Variants in LMO7 observed in about 807,000 individuals in gnomAD.
LMO7 encodes LIM domain 7.
LMO7 carries 120 observed loss-of-function variants against 206.5 expected under a neutral mutation model. The ratio of observed to expected loss-of-function variants is 0.58; its 90% CI spans 0.50 to 0.68. The LOEUF is 0.68. Ranked by LOEUF, LMO7 falls within the 30% of genes least tolerant of loss-of-function variation. The pLI is 0.00. For synonymous variants in LMO7, 706 were observed against 681.5 expected, an observed-to-expected ratio of 1.04 and a Z score of -0.56; for missense variants, 1,959 against 1,957.9, an observed-to-expected ratio of 1.00 and a Z score of -0.01.
chr13:75,802,454 T>C (rs2054876348), intron 7 of LMO7, among the ~76,000 whole-genome samples: 1 of 152,206 alleles, frequency 6.6e-6, no homozygotes. Flanking sequence ...CTGAAGAACC[T>C]ACTCCATGTA....
Position 75,807,926 on chromosome 13 carries a change from C to T in LMO7, c.1643C>T (p.Thr548Ile). The change falls in exon 10 of 31, where the codon ACT becomes ATT. Residue 548 changes from threonine (T) to isoleucine (I), a missense_variant. By Grantham distance (89) the Thr-to-Ile change is moderately conservative. Coordinates refer to ENST00000377534, the MANE Select transcript of LMO7 (RefSeq NM_001306080.2). Reference sequence around the variant, plus strand: ...CCAGTCCCTTTTCCCGAACCCTGGACTCTTCCTCCAGAAATTCAAGCAAAA... The same window carrying T: ...CCAGTCCCTTTTCCCGAACCCTGGATTCTTCCTCCAGAAATTCAAGCAAAA... ...YHPVPFPEPW[T>I]LPPEIQAKFL... is the part of the protein sequence containing the mutation. The T allele has an allele frequency of 6.2e-7, 1 of 1,613,988 alleles. No individual in the cohort carries two copies. Among genetic ancestry groups the T allele is most frequent in the Non-Finnish European group, 8.5e-7 (1 of 1,179,884 alleles).
Position 75,807,931 on chromosome 13 carries a change from C to A in LMO7, c.1648C>A (p.Pro550Thr), listed in dbSNP as rs2055762081. Residue 550 changes from proline to threonine, a missense_variant, in exon 10 of 31, where the codon CCT becomes ACT. Transcript: ENST00000377534. ...PVPFPEPWTL[P>T]PEIQAKFLCV... ...CCCTTTTCCCGAACCCTGGACTCTT[C>A]CTCCAGAAATTCAAGCAAAATTTCT... 1 of 1,613,968 alleles carries A rather than the reference C, an allele frequency of 6.2e-7. No individual in the cohort carries two copies. The highest frequency in any genetic ancestry group is 8.5e-7 in the Non-Finnish European group (1 of 1,179,892).
At chr13:75,789,846 A>T (rs1374181908) in intron 4 of LMO7, among the ~76,000 whole-genome samples, 2 of 152,124 alleles carry the variant, frequency 1.3e-5, no homozygotes, top group Non-Finnish European at 2.9e-5. Flanking sequence ...CTATAATCTC[A>T]TCCATTAGCA....
chr13:75,737,857 A>AAC (rs1555305885), intron 3 of LMO7, among the ~76,000 whole-genome samples: 1,470 of 144,990 alleles, frequency 0.01, 31 homozygotes, highest in Non-Finnish European at 0.017. Context: ...AAAAAAAAAA[A>AAC]AAAAAAACAC....
chr13:75,704,634 G>A (rs1245173000), intron 1 of LMO7, among the ~76,000 whole-genome samples: 5 of 152,172 alleles, frequency 3.3e-5, no homozygotes, highest in African/African-American at 1.2e-4. Flanking sequence ...AAAGTTAAAC[G>A]AGAGAAGTGC....
intron 1 of LMO7, among the ~76,000 whole-genome samples, chr13:75,641,736 C>G (rs9573601): frequency 0.3 from 44,958 of 151,992 alleles, 6,837 homozygotes; most frequent in Middle Eastern, 0.34. Flanking sequence ...CTCACTGCAA[C>G]CTTCGCCTCC....
chr13:75,737,539 G>A (rs1407786782), intron 3 of LMO7, among the ~76,000 whole-genome samples: 26 of 148,968 alleles, frequency 1.7e-4, no homozygotes, highest in African/African-American at 5.2e-4. Flanking sequence ...GGATCACGAG[G>A]TCAGGAGATC....
At chr13:75,770,651 C>T (rs749464420) in intron 4 of LMO7, among the ~76,000 whole-genome samples, 12 of 152,022 alleles carry the variant, frequency 7.9e-5, no homozygotes, top group African/African-American at 1.7e-4. Context: ...TGAATAGCAA[C>T]GAGGTTAGGA....
At chr13:75,776,908 G>C (rs1456211890) in intron 4 of LMO7, among the ~76,000 whole-genome samples, 2 of 152,200 alleles carry the variant, frequency 1.3e-5, no homozygotes, top group South Asian at 4.1e-4. Flanking sequence ...TTTAAGAAAT[G>C]TTCCTTTGTT....
chr13:75,636,342 G>T lies in LMO7; in HGVS notation c.-316G>T. 1 of 1,209,766 alleles carries T rather than the reference G, an allele frequency of 8.3e-7. No individual in the cohort carries two copies. Among genetic ancestry groups the T allele is most frequent in the Non-Finnish European group, 1.0e-6 (1 of 968,270 alleles). The allele number at this position is 1,209,766 out of a possible 1,614,324, so 74.9% of individuals were successfully genotyped here. On this transcript the variant is annotated 5_prime_UTR_variant, in exon 1 of 31. Coordinates refer to ENST00000377534, the MANE Select transcript of LMO7 (RefSeq NM_001306080.2). ...ACTTTTGAAGTCCAAACTGTCGTCG[G>T]GGCTGGTGCCGCGCGCTGCCGCTGG... is the stretch of plus-strand genomic sequence containing the variant.
chr13:75,822,051 A>C (rs1218061522), intron 14 of LMO7, among the ~76,000 whole-genome samples: 1 of 152,132 alleles, frequency 6.6e-6, no homozygotes, highest in Non-Finnish European at 1.5e-5. Context: ...TCACTTTATC[A>C]GTTTGAATGT....
At chr13:75,817,955 A>G (rs1013932927) in intron 12 of LMO7, among the ~76,000 whole-genome samples, 4 of 152,176 alleles carry the variant, frequency 2.6e-5, no homozygotes, top group African/African-American at 9.7e-5. Context: ...AAACTATCAG[A>G]GCAAACCCAA....
chr13:75,692,082 A>G (rs1438091368), intron 1 of LMO7, among the ~76,000 whole-genome samples: 2 of 152,162 alleles, frequency 1.3e-5, no homozygotes, highest in Non-Finnish European at 2.9e-5. Flanking sequence ...AAACCTCTTG[A>G]CTTTCTGCCT....
intron 2 of LMO7, among the ~76,000 whole-genome samples, chr13:75,629,977 G>A (rs899930988): frequency 1.3e-5 from 2 of 152,084 alleles, no homozygotes; most frequent in African/African-American, 4.8e-5. Context: ...CAGGATTTGG[G>A]GGAATTTGTT....
At chr13:75,830,443 T>C (rs1566566296) in intron 15 of LMO7, among the ~76,000 whole-genome samples, 1 of 152,178 alleles carries the variant, frequency 6.6e-6, no homozygotes, top group Non-Finnish European at 1.5e-5. Flanking sequence ...TCAGTATTTT[T>C]ATGAAAGAGA....
At chr13:75,838,080 A>C (rs41308560) in intron 19 of LMO7, 60 bp from the exon 20 acceptor site, 14,388 of 1,012,274 alleles carry the variant, frequency 0.014, 139 homozygotes, top group South Asian at 0.017. Flanking sequence ...AGTATCGTTT[A>C]ATTTACCAAT....
chr13:75,821,144 C>G, intron 13 of LMO7, 33 bp from the exon 14 acceptor site: 2 of 1,533,366 alleles, frequency 1.3e-6, no homozygotes, highest in Non-Finnish European at 1.8e-6. Flanking sequence ...AAATGTGTGT[C>G]TTTGTGGTGA....
chr13:75,676,090 T>C (rs1445299775), intron 1 of LMO7, among the ~76,000 whole-genome samples: 1 of 152,222 alleles, frequency 6.6e-6, no homozygotes, highest in African/African-American at 2.4e-5. Context: ...GTTGAAAGTA[T>C]CCTTAGCATC....
At chr13:75,840,562 A>C (rs1326718411) in intron 22 of LMO7, 67 bp downstream of exon 22, 10 of 1,565,106 alleles carry the variant, frequency 6.4e-6, no homozygotes, top group Non-Finnish European at 8.7e-6. Context: ...CAGTCTGTCA[A>C]CCAGTATTGA....
Sources: gnomAD v4.1 joint callset for allele counts (sites outside exome capture counted in the v4.1 genomes callset) on GRCh38, gnomAD v4.1.1 for gene constraint, MANE v1.5 for transcripts, NCBI Gene and HGNC (gene_info 2026-07-23, HGNC 2026-07-21) for gene names.